The following CACNA2D4 variants were observed in gnomAD, a reference collection of about 807,000 sequenced individuals.
The protein encoded by CACNA2D4 is voltage-dependent calcium channel subunit alpha-2/delta-4.
CACNA2D4 carries 157 observed loss-of-function variants against 163.8 expected under a neutral mutation model. The ratio of observed to expected loss-of-function variants is 0.96; its 90% CI spans 0.84 to 1.09. The LOEUF is 1.09. Among genes scored for constraint, CACNA2D4 ranks in the 50% least tolerant of loss-of-function variants. The pLI, the probability that CACNA2D4 is intolerant of heterozygous loss-of-function variation, is 0.00. For synonymous variants in CACNA2D4, 598 were observed against 586.9 expected (o/e 1.02, Z -0.27); for missense variants, 1,410 against 1,479.9 (o/e 0.95, Z 0.78).
chr12:1,844,379 G>A lies in CACNA2D4; in HGVS notation c.2470+23C>T, dbSNP rs761879420. 4.7e-5 allele frequency: 76 copies of A among 1,611,380 alleles called. No individual in the cohort carries two copies. Among genetic ancestry groups the A allele is most frequent in the South Asian group, 1.5e-4 (14 of 90,684 alleles). ...ACTGGCCTGAGACTGGCCCAGCCCC[G>A]GGAGCACCGGGCTGTGTGTTACCTG... is the stretch of plus-strand genomic sequence containing the variant. On this transcript the variant is annotated intron_variant, in intron 25 of 37. Coordinates refer to ENST00000382722, the MANE Select transcript of CACNA2D4 (RefSeq NM_172364.5). This position sits in a 1 kb window ranked among gnomAD's most constrained non-coding sequence, Gnocchi z 4.2.
intron 23 of CACNA2D4, among the ~76,000 whole-genome samples, chr12:1,847,609 C>T (rs10161097): frequency 0.71 from 108,413 of 152,048 alleles, 39,536 homozygotes; most frequent in Non-Finnish European, 0.79. Context: ...GAGCCCTGCC[C>T]CAGACCTCTG....
intron 3 of CACNA2D4, among the ~76,000 whole-genome samples, chr12:1,911,357 A>C (rs899438083): frequency 6.6e-6 from 1 of 151,938 alleles, no homozygotes; most frequent in Non-Finnish European, 1.5e-5. Flanking sequence ...CCAGCATCGC[A>C]GAGTGTCAGG....
chr12:1,909,328 A>ATGT (rs1410163554), intron 4 of CACNA2D4, among the ~76,000 whole-genome samples: 1 of 152,106 alleles, frequency 6.6e-6, no homozygotes, highest in Non-Finnish European at 1.5e-5. Context: ...AGTAGCTGGG[A>ATGT]CTACAAGCGC....
chr12:1,886,279 T>C lies in CACNA2D4; in HGVS notation c.937A>G (p.Thr313Ala), dbSNP rs199690703. 4.3e-6 allele frequency: 7 copies of C among 1,613,648 alleles called. No individual in the cohort carries two copies. The East Asian group carries it at 1.3e-4, about 31-fold the overall frequency. The change falls in exon 8 of 38, where the codon ACC (threonine) becomes GCC (alanine). Residue 313 changes from threonine to alanine, a missense_variant. Thr to Ala is a moderately conservative substitution (Grantham distance 58). Coordinates refer to ENST00000382722, the MANE Select transcript of CACNA2D4 (RefSeq NM_172364.5). The part of the protein sequence containing the change: ...KGLRMTIAKH[T>A]ITTILDTLGE... ...AGGGTGTCCAAGATGGTGGTGATGG[T>C]GTGCTTGGCAATAGTCATCCTCAGC...
At chr12:1,816,249 G>C (rs754314170) in intron 26 of CACNA2D4, among the ~76,000 whole-genome samples, 2 of 151,530 alleles carry the variant, frequency 1.3e-5, no homozygotes, top group African/African-American at 2.4e-5. Context: ...CACACCTTTC[G>C]GTGAAGAGAA....
chr12:1,895,690 A>C (rs181381748), intron 6 of CACNA2D4, among the ~76,000 whole-genome samples: 17 of 152,254 alleles, frequency 1.1e-4, no homozygotes, highest in African/African-American at 3.1e-4. Flanking sequence ...CTGGAGTGCA[A>C]TGGCGTGCAA....
At position 1,810,586 on chromosome 12, in the gene CACNA2D4, C is replaced by A. The variant is rs371675441; in HGVS notation, c.2615G>T (p.Cys872Phe). The A allele has an allele frequency of 8.4e-6, 13 of 1,553,248 alleles. No homozygotes were observed. The highest frequency in any genetic ancestry group is 9.6e-6 in the Non-Finnish European group (11 of 1,147,880). Residue 872 changes from cysteine (C) to phenylalanine (F), a missense_variant and splice_region_variant, in exon 28 of 38, where the codon TGC becomes TTC. Cys to Phe is a radical substitution (Grantham distance 205). Transcript: ENST00000382722. Reference protein sequence around the residue: ...QRKFWAATRQCSTVDGPCTQS... With the variant: ...QRKFWAATRQFSTVDGPCTQS... ...TGTGCACGGCCCATCCACAGTGCTG[C>A]ACTGGAAGGAAGAGGAGAGACTGAA... is the stretch of plus-strand genomic sequence containing the variant.
At chr12:1,910,157 GCA>G (rs1251114526) in intron 3 of CACNA2D4, among the ~76,000 whole-genome samples, 192 bp from the exon 4 acceptor site, 2 of 152,228 alleles carry the variant, frequency 1.3e-5, no homozygotes, top group East Asian at 3.8e-4. Flanking sequence ...CAGACAAAAG[GCA>G]CACACATATG....
chr12:1,852,531 A>G (rs1164063202), intron 23 of CACNA2D4, among the ~76,000 whole-genome samples: 1 of 152,166 alleles, frequency 6.6e-6, no homozygotes, highest in Non-Finnish European at 1.5e-5. Context: ...ATGAATGAAT[A>G]TTAATATTTA....
chr12:1,852,462 G>C (rs896437073), intron 23 of CACNA2D4, among the ~76,000 whole-genome samples: 10 of 152,090 alleles, frequency 6.6e-5, no homozygotes, highest in Middle Eastern at 3.2e-3. Flanking sequence ...TTGAGGCCAG[G>C]AGTTCAAGAC....
intron 6 of CACNA2D4, 130 bp downstream of exon 6, chr12:1,907,310 G>A (rs1156946756): frequency 1.0e-5 from 8 of 766,978 alleles, no homozygotes; most frequent in Non-Finnish European, 1.5e-5. Flanking sequence ...TGTGGGCTTG[G>A]AGATGCTTTG....
rs567127134 is a variant in CACNA2D4, at chr12:1,828,039, C to G, written c.2551+12700G>C. 1.9e-6 allele frequency: 2 copies of G among 1,056,294 alleles called. No homozygotes were observed. Among genetic ancestry groups the G allele is most frequent in the Non-Finnish European group, 2.6e-6 (2 of 774,526 alleles). 65.4% of individuals were successfully genotyped at this position (1,056,294 alleles called of 1,614,324 possible). A position where few individuals can be genotyped will look rare whatever the true frequency, so the allele number is the denominator to read the frequency against. ...AACCCCTGGGCTGGAACGGGGCTCC[C>G]GCGCCTGCCTGTGCTCAGTGCTCCT... On this transcript the variant is annotated intron_variant, in intron 26 of 37. Transcript: ENST00000382722. The surrounding 1 kb of genome is among the most constrained non-coding windows in gnomAD (Gnocchi z 4.2).
At chr12:1,910,068 G>T in intron 3 of CACNA2D4, 103 bp from the exon 4 acceptor site, 2 of 885,312 alleles carry the variant, frequency 2.3e-6, no homozygotes, top group South Asian at 2.8e-5. Flanking sequence ...CCCACTCCTG[G>T]GTGTATGCCC....
intron 35 of CACNA2D4, 28 bp from the exon 36 acceptor site, chr12:1,795,808 G>T: frequency 7.0e-7 from 1 of 1,422,758 alleles, no homozygotes; most frequent in Non-Finnish European, 9.9e-7. Context: ...AGTCGAGGAT[G>T]GCTCCGTGGC....
intron 4 of CACNA2D4, 88 bp from the exon 5 acceptor site, chr12:1,908,125 C>G: frequency 1.5e-6 from 2 of 1,378,358 alleles, no homozygotes; most frequent in African/African-American, 1.4e-5. Context: ...GGTGAGAGGA[C>G]GAGAGGGCCG....
chr12:1,876,004 G>A (rs1194828909), intron 16 of CACNA2D4, among the ~76,000 whole-genome samples: 1 of 152,204 alleles, frequency 6.6e-6, no homozygotes, highest in Non-Finnish European at 1.5e-5. Flanking sequence ...TGACCTGGCA[G>A]TTCAGGCGGA....
chr12:1,804,986 A>C (rs1292656809), intron 29 of CACNA2D4, among the ~76,000 whole-genome samples: 1 of 152,226 alleles, frequency 6.6e-6, no homozygotes, highest in East Asian at 1.9e-4. Flanking sequence ...TGAACCTGCA[A>C]AGCGAAGGTC....
rs552310244 is a variant in CACNA2D4 at position 1,899,691 on chromosome 12, C to G, written c.781+7749G>C. ...TATATGCTTTATAGATGAAATCTAT[C>G]AAGCATTTGAGGAAAAGATCATTCT... On this transcript the variant is annotated intron_variant, in intron 6 of 37. Coordinates refer to ENST00000382722, the MANE Select transcript of CACNA2D4 (RefSeq NM_172364.5). Among the ~76,000 whole-genome samples, 8 of 152,244 alleles carry G rather than the reference C, an allele frequency of 5.3e-5. No individual in the cohort carries two copies. In the South Asian group the frequency reaches 1.5e-3, roughly 28 times the overall value.
chr12:1,868,474 G>A (rs1188430405), intron 18 of CACNA2D4, among the ~76,000 whole-genome samples: 1 of 151,262 alleles, frequency 6.6e-6, no homozygotes, highest in Non-Finnish European at 1.5e-5. Flanking sequence ...TGGGAGGTGG[G>A]GAATGAGAAA....
Sources: allele counts gnomAD v4.1 joint callset (sites outside exome capture counted in the v4.1 genomes callset), GRCh38; gene constraint gnomAD v4.1.1; non-coding constraint Gnocchi (gnomAD v3.1); transcripts MANE v1.5; gene names NCBI Gene and HGNC (gene_info 2026-07-23, HGNC 2026-07-21).